SLC10A7: variants seen among roughly 807,000 people sequenced by gnomAD.
SLC10A7 encodes sodium/bile acid cotransporter 7.
SLC10A7 carries 29 observed loss-of-function variants against 43.2 expected under a neutral mutation model. That is an observed-to-expected ratio of 0.67 (90% confidence interval 0.50 to 0.92). SLC10A7 has a LOEUF of 0.92. SLC10A7 is among the 40% of genes least tolerant of loss of function. SLC10A7 has a pLI of 0.00. For missense variants in SLC10A7, 295 were observed against 403.2 expected (o/e 0.73, Z 2.30); for synonymous variants, 152 against 144.8 (o/e 1.05, Z -0.35).
At chr4:146,334,551 G>C (rs964004867) in intron 5 of SLC10A7, among the ~76,000 whole-genome samples, 2 of 152,066 alleles carry the variant, frequency 1.3e-5, no homozygotes, top group African/African-American at 4.8e-5. Context: ...TTTTGGTTTT[G>C]TTGTTTGCTT....
At chr4:146,369,054 T>C (rs546053984) in intron 5 of SLC10A7, among the ~76,000 whole-genome samples, 4 of 152,314 alleles carry the variant, frequency 2.6e-5, no homozygotes, top group African/African-American at 9.6e-5. Context: ...GTCTGTCTTC[T>C]ATTATAACTT....
intron 9 of SLC10A7, among the ~76,000 whole-genome samples, chr4:146,287,525 T>C (rs1730116541): frequency 6.6e-6 from 1 of 152,216 alleles, no homozygotes; most frequent in African/African-American, 2.4e-5. Context: ...ACTTTCTTTG[T>C]AAAGTGTGAG....
At chr4:146,268,475 C>A (rs1728698412) in intron 10 of SLC10A7, among the ~76,000 whole-genome samples, 1 of 152,158 alleles carries the variant, frequency 6.6e-6, no homozygotes, top group Non-Finnish European at 1.5e-5. Flanking sequence ...AGTTTTCCAG[C>A]AGTCACACCT....
chr4:146,342,802 C>T (rs553501759), intron 5 of SLC10A7, among the ~76,000 whole-genome samples: 1 of 151,684 alleles, frequency 6.6e-6, no homozygotes, highest in East Asian at 1.9e-4. Flanking sequence ...TGCTGTGGGA[C>T]CTTCCAGATA....
intron 6 of SLC10A7, among the ~76,000 whole-genome samples, chr4:146,318,833 C>A (rs562301007): frequency 6.6e-6 from 1 of 152,100 alleles, no homozygotes; most frequent in South Asian, 2.1e-4. Context: ...GCTGCTCAGG[C>A]CTGGAGTCAT....
intron 5 of SLC10A7, among the ~76,000 whole-genome samples, chr4:146,346,128 G>A (rs957087408): frequency 1.3e-5 from 2 of 152,120 alleles, no homozygotes; most frequent in Admixed American, 1.3e-4. Flanking sequence ...TATAAGGTTG[G>A]AATTCAAAAT....
At chr4:146,274,601 G>A (rs921057950) in intron 10 of SLC10A7, among the ~76,000 whole-genome samples, 5 of 152,158 alleles carry the variant, frequency 3.3e-5, no homozygotes, top group East Asian at 3.9e-4. Context: ...AAGGACATTC[G>A]AAGTTAGGCA....
intron 5 of SLC10A7, among the ~76,000 whole-genome samples, chr4:146,372,659 T>C (rs1333177758): frequency 6.6e-6 from 1 of 152,160 alleles, no homozygotes. Flanking sequence ...AAAACACTAA[T>C]TCATTTAAAT....
At position 146,314,705 on chromosome 4, in the gene SLC10A7, T is replaced by A. The variant is rs555813349; in HGVS notation, c.472-8696A>T. On this transcript the variant is annotated intron_variant, in intron 6 of 11. Transcript: ENST00000335472. Reference sequence around the variant, plus strand: ...ATGACTTTCAGCAGTGGTCAAAGCTTGCACTCCACATGTTTCAAGAGGTCT... The same window carrying A: ...ATGACTTTCAGCAGTGGTCAAAGCTAGCACTCCACATGTTTCAAGAGGTCT... Among the ~76,000 whole-genome samples the A allele has an allele frequency of 1.9e-3, 284 of 152,252 alleles. 3 individuals are homozygous for A. The highest frequency in any genetic ancestry group is 6.7e-3 in the African/African-American group (277 of 41,562).
At chr4:146,362,418 C>T (rs143750077) in intron 5 of SLC10A7, among the ~76,000 whole-genome samples, 10 of 152,120 alleles carry the variant, frequency 6.6e-5, no homozygotes, top group East Asian at 3.9e-4. Context: ...TCCATGAAAA[C>T]GTTACAGGCC....
intron 10 of SLC10A7, among the ~76,000 whole-genome samples, chr4:146,267,085 C>A (rs945435950): frequency 7.9e-5 from 12 of 152,114 alleles, no homozygotes; most frequent in Admixed American, 5.9e-4. Flanking sequence ...AGAGCAATTG[C>A]ACCCAATACC....
At chr4:146,399,758 T>C (rs368627188) in intron 5 of SLC10A7, among the ~76,000 whole-genome samples, 2 of 151,988 alleles carry the variant, frequency 1.3e-5, no homozygotes, top group East Asian at 1.9e-4. Context: ...TTAAGAAATA[T>C]AGAGAAAGAA....
intron 10 of SLC10A7, among the ~76,000 whole-genome samples, chr4:146,261,622 C>A (rs1282286166): frequency 1.3e-5 from 2 of 152,144 alleles, no homozygotes; most frequent in African/African-American, 4.8e-5. Flanking sequence ...GAGAAGGGAT[C>A]CACGATCACT....
chr4:146,326,516 T>C (rs1733114403), intron 5 of SLC10A7, among the ~76,000 whole-genome samples: 1 of 152,216 alleles, frequency 6.6e-6, no homozygotes, highest in East Asian at 1.9e-4. Context: ...TTAGACTTCA[T>C]GTCTCCATGG....
At chr4:146,335,660 C>G (rs532175387) in intron 5 of SLC10A7, among the ~76,000 whole-genome samples, 1 of 152,132 alleles carries the variant, frequency 6.6e-6, no homozygotes, top group African/African-American at 2.4e-5. Context: ...CCCATTATTG[C>G]TCCCATCAAA....
At chr4:146,371,086 G>C (rs1736742432) in intron 5 of SLC10A7, among the ~76,000 whole-genome samples, 1 of 152,186 alleles carries the variant, frequency 6.6e-6, no homozygotes, top group Non-Finnish European at 1.5e-5. Flanking sequence ...TTCAAAGATA[G>C]ATATGCTTCT....
intron 5 of SLC10A7, among the ~76,000 whole-genome samples, chr4:146,340,019 AT>A (rs1734150955): frequency 6.6e-6 from 1 of 150,752 alleles, no homozygotes; most frequent in South Asian, 2.1e-4. Context: ...TAACATGTTT[AT>A]TTTTATTAAA....
chr4:146,425,772 T>C (rs1443069561), intron 5 of SLC10A7, among the ~76,000 whole-genome samples: 2 of 152,168 alleles, frequency 1.3e-5, no homozygotes, highest in Non-Finnish European at 2.9e-5. Flanking sequence ...ATCTAAGCAC[T>C]ACCTGGGAAA....
chr4:146,463,159 A>G (rs1732691273), intron 4 of SLC10A7, among the ~76,000 whole-genome samples: 1 of 152,194 alleles, frequency 6.6e-6, no homozygotes, highest in South Asian at 2.1e-4. Context: ...GCAAGCGATG[A>G]AAATTGGGAA....
Sources: allele counts gnomAD v4.1 joint callset (sites outside exome capture counted in the v4.1 genomes callset), GRCh38; gene constraint gnomAD v4.1.1; transcripts MANE v1.5; gene names NCBI Gene and HGNC (gene_info 2026-07-23, HGNC 2026-07-21).